Variants in USP34 observed in about 807,000 individuals in gnomAD.
The protein encoded by USP34 is ubiquitin carboxyl-terminal hydrolase 34.
Under a neutral mutation model 460.3 loss-of-function variants are expected in USP34, and 70 were observed. The ratio of observed to expected loss-of-function variants is 0.15; its 90% CI spans 0.13 to 0.19. The LOEUF (loss-of-function observed/expected upper bound fraction) is 0.19. Ranked by LOEUF, USP34 falls within the 10% of genes least tolerant of loss-of-function variation. USP34 has a pLI of 1.00. For missense variants in USP34, 3,985 were observed against 4,236.2 expected (o/e 0.94, Z 1.65); for synonymous variants, 1,647 against 1,405.3 (o/e 1.17, Z -3.85).
At chr2:61,238,638 A>G (rs1033429955) in intron 53 of USP34, among the ~76,000 whole-genome samples, 2 of 152,240 alleles carry the variant, frequency 1.3e-5, no homozygotes, top group Admixed American at 6.5e-5. Flanking sequence ...CCATATTAAT[A>G]TTCATGTACA....
In USP34 at chr2:61,466,344, A is replaced by C. The variant is rs555121858; in HGVS notation, c.43+4306T>G. 1.1e-4 allele frequency among the ~76,000 whole-genome samples: 17 copies of C among 152,050 alleles called. No homozygotes were observed. In the East Asian group the frequency reaches 3.3e-3, roughly 30 times the overall value. On this transcript the variant is annotated intron_variant, in intron 1 of 79. Transcript: ENST00000398571. ...GGAGGATGTGGCAGGAGGATTGCTT[A>C]AGCCCAGGAAGCGGAGGCTGTAGTG...
chr2:61,277,421 G>A (rs950701982), intron 41 of USP34, among the ~76,000 whole-genome samples: 3 of 151,946 alleles, frequency 2.0e-5, no homozygotes, highest in Non-Finnish European at 4.4e-5. Flanking sequence ...ATTTTCTGTA[G>A]GGATGAGGTT....
intron 62 of USP34, among the ~76,000 whole-genome samples, chr2:61,225,803 T>C (rs760808347): frequency 8.5e-5 from 13 of 152,230 alleles, no homozygotes; most frequent in African/African-American, 2.2e-4. Context: ...TTAGTATATA[T>C]TGTTGATTCA....
chr2:61,241,859 G>T (rs912850586), intron 51 of USP34, 40 bp from the exon 52 acceptor site: 2 of 1,083,708 alleles, frequency 1.8e-6, no homozygotes, highest in South Asian at 1.6e-5. Flanking sequence ...TTGAAAAAAT[G>T]GGTATACTCA....
Position 61,295,111 on chromosome 2 carries a change from G to A in USP34, c.4377+57C>T. The stretch of plus-strand genomic sequence containing the variant: ...AGAATGGAAAAGACAATACATTATA[G>A]AATTTTGCTCCAGAGAGAATACAAA... On this transcript the variant is annotated intron_variant, in intron 31 of 79. Transcript: ENST00000398571. 33 of 1,596,842 alleles carry A rather than the reference G, an allele frequency of 2.1e-5. 1 individual carries two copies. The South Asian group carries it at 3.7e-4, about 18-fold the overall frequency.
chr2:61,440,428 C>T (rs1223437630), intron 1 of USP34, among the ~76,000 whole-genome samples: 4 of 152,120 alleles, frequency 2.6e-5, no homozygotes, highest in African/African-American at 9.7e-5. Context: ...GCTTCCTGTT[C>T]CTCCATGGAA....
chr2:61,427,644 T>C (rs1052055207), intron 1 of USP34, among the ~76,000 whole-genome samples: 3 of 152,108 alleles, frequency 2.0e-5, no homozygotes, highest in South Asian at 2.1e-4. Context: ...GATTAAAACA[T>C]GTAAGAAGAC....
intron 29 of USP34, among the ~76,000 whole-genome samples, chr2:61,298,326 G>A (rs1285670099): frequency 1.5e-5 from 2 of 134,238 alleles, no homozygotes; most frequent in Non-Finnish European, 3.1e-5. Flanking sequence ...TCAAGACCAT[G>A]CTGGCTAACA....
chr2:61,468,882 A>C (rs935403779), intron 1 of USP34, among the ~76,000 whole-genome samples: 1 of 152,180 alleles, frequency 6.6e-6, no homozygotes, highest in African/African-American at 2.4e-5. Flanking sequence ...TACTTTCTTT[A>C]GATGTTTTGT....
At chr2:61,415,297 T>C (rs145963856) in intron 2 of USP34, among the ~76,000 whole-genome samples, 128 of 152,248 alleles carry the variant, frequency 8.4e-4, no homozygotes, top group Non-Finnish European at 1.4e-3. Flanking sequence ...TGATGCATAG[T>C]TTATGAGCGT....
intron 27 of USP34, among the ~76,000 whole-genome samples, chr2:61,306,079 A>C: frequency 6.8e-6 from 1 of 147,328 alleles, no homozygotes; most frequent in Non-Finnish European, 1.5e-5. Flanking sequence ...GAAGCTCTTT[A>C]AATAGATCCC....
chr2:61,256,235 G>C, intron 48 of USP34, 149 bp downstream of exon 48: 1 of 678,720 alleles, frequency 1.5e-6, no homozygotes, highest in Non-Finnish European at 2.6e-6. Flanking sequence ...TGAACAACTA[G>C]ATGAAAAGTT....
chr2:61,235,949 A>G (rs1688056036), intron 56 of USP34, 39 bp from the exon 57 acceptor site: 1 of 1,600,876 alleles, frequency 6.2e-7, no homozygotes, highest in East Asian at 2.2e-5. Flanking sequence ...TGAACTTCTG[A>G]GCCAACAATA....
chr2:61,455,614 TTATATGCA>T (rs1456382286), intron 1 of USP34, among the ~76,000 whole-genome samples: 2 of 152,090 alleles, frequency 1.3e-5, no homozygotes, highest in Non-Finnish European at 2.9e-5. Context: ...TCTCAAAAAC[TTATATGCA>T]TATATACCAC....
At chr2:61,272,746 T>A (rs949232332) in intron 41 of USP34, among the ~76,000 whole-genome samples, 1 of 152,172 alleles carries the variant, frequency 6.6e-6, no homozygotes, top group Non-Finnish European at 1.5e-5. Context: ...TAATTTGACA[T>A]GAACATGAAG....
chr2:61,238,174 G>A (rs180829468), intron 53 of USP34, among the ~76,000 whole-genome samples: 1 of 151,894 alleles, frequency 6.6e-6, no homozygotes, highest in Non-Finnish European at 1.5e-5. Flanking sequence ...GGGATTACAG[G>A]TGTGAGGCAA....
intron 1 of USP34, among the ~76,000 whole-genome samples, chr2:61,432,242 G>T (rs975852229): frequency 1.3e-5 from 2 of 151,918 alleles, no homozygotes; most frequent in Non-Finnish European, 2.9e-5. Context: ...GAGTGGCCAA[G>T]GTGGGCAGAT....
chr2:61,251,976 A>C lies in USP34; in HGVS notation c.6222-3293T>G, dbSNP rs1359772955. Among the ~76,000 whole-genome samples the C allele has an allele frequency of 2.0e-5, 3 of 151,920 alleles. No individual in the cohort carries two copies. The East Asian group carries it at 5.8e-4, about 29-fold the overall frequency. Reference sequence around the variant, plus strand: ...ACATTTTAATTTGTTTAAAAAAAAAAAACAGCAAACACACCCACAACTTTT... The same window carrying C: ...ACATTTTAATTTGTTTAAAAAAAAACAACAGCAAACACACCCACAACTTTT... On this transcript the variant is annotated intron_variant, in intron 48 of 79. Coordinates refer to ENST00000398571, the MANE Select transcript of USP34 (RefSeq NM_014709.4).
At chr2:61,354,567 T>G (rs1277836116) in intron 10 of USP34, among the ~76,000 whole-genome samples, 1 of 152,158 alleles carries the variant, frequency 6.6e-6, no homozygotes, top group Admixed American at 6.5e-5. Flanking sequence ...CCACAAACTC[T>G]AGTTCCAGCC....
Sources: gnomAD v4.1 joint callset for allele counts (sites outside exome capture counted in the v4.1 genomes callset) on GRCh38, gnomAD v4.1.1 for gene constraint, MANE v1.5 for transcripts, NCBI Gene and HGNC (gene_info 2026-07-23, HGNC 2026-07-21) for gene names.